Variants in CASD1 observed in about 807,000 individuals in gnomAD.
CASD1 encodes CAS1 domain sialic acid O acetyltransferase 1.
CASD1 carries 41 observed loss-of-function variants against 100.0 expected under a neutral mutation model. The ratio of observed to expected loss-of-function variants is 0.41; its 90% confidence interval spans 0.32 to 0.53. The LOEUF (loss-of-function observed/expected upper bound fraction) is 0.53. CASD1 is among the 20% of genes least tolerant of loss of function. CASD1 has a pLI of 0.25. For missense variants in CASD1, 774 were observed against 948.7 expected (o/e 0.82, Z 2.42); for synonymous variants, 321 against 315.6 (o/e 1.02, Z -0.18).
chr7:94,566,325 A>T, the CASD1 span, among the ~76,000 whole-genome samples: 1 of 152,198 alleles, frequency 6.6e-6, no homozygotes, highest in Non-Finnish European at 1.5e-5. Flanking sequence ...ATATAATTTA[A>T]TTTTTATCTA....
chr7:94,549,295 C>T (rs1170960000), intron 13 of CASD1, among the ~76,000 whole-genome samples: 1 of 151,680 alleles, frequency 6.6e-6, no homozygotes, highest in African/African-American at 2.4e-5. Flanking sequence ...ATAAGTTTAC[C>T]AAGTTTTAAG....
the CASD1 span, chr7:94,628,280 G>T: frequency 6.2e-7 from 1 of 1,611,056 alleles, no homozygotes. Context: ...GTGTCCTTTG[G>T]ATATATCGAA....
intron 14 of CASD1, among the ~76,000 whole-genome samples, chr7:94,550,366 T>C (rs953584946): frequency 1.3e-5 from 2 of 152,140 alleles, no homozygotes; most frequent in African/African-American, 4.8e-5. Flanking sequence ...GTGTACTACA[T>C]TGCATTTCAA....
the CASD1 span, among the ~76,000 whole-genome samples, chr7:94,605,768 A>C: frequency 6.6e-6 from 1 of 152,180 alleles, no homozygotes; most frequent in Non-Finnish European, 1.5e-5. Flanking sequence ...ACAAAAATAG[A>C]AACAAAAAAC....
the CASD1 span, among the ~76,000 whole-genome samples, chr7:94,614,458 C>T: frequency 1.3e-5 from 2 of 152,186 alleles, no homozygotes; most frequent in African/African-American, 2.4e-5. Flanking sequence ...CAGAAGACAA[C>T]GTCTTACATG....
At position 94,533,263 on chromosome 7, in the gene CASD1, T is replaced by G; in HGVS notation, c.504+14T>G. The G allele has an allele frequency of 1.2e-6, 2 of 1,600,962 alleles. No homozygotes were observed. Among genetic ancestry groups the G allele is most frequent in the South Asian group, 1.1e-5 (1 of 89,630 alleles). ...GGAGCTGCCACAGTAAGTTATCATC[T>G]GTATTCTTACTTAATGATTTTGTTT... On this transcript the variant is annotated intron_variant, in intron 6 of 17. Coordinates refer to ENST00000297273, the MANE Select transcript of CASD1 (RefSeq NM_022900.5).
chr7:94,513,315 T>C, intron 1 of CASD1, among the ~76,000 whole-genome samples: 1 of 151,860 alleles, frequency 6.6e-6, no homozygotes, highest in Admixed American at 6.6e-5. Context: ...AAATCAACTT[T>C]ATTGTACCAG....
chr7:94,587,507 G>A, the CASD1 span: 2 of 1,296,522 alleles, frequency 1.5e-6, no homozygotes, highest in Admixed American at 4.2e-5. Flanking sequence ...TATTCTTTTA[G>A]AAATTTTCCT....
intron 8 of CASD1, 63 bp from the exon 9 acceptor site, chr7:94,537,409 G>GA (rs778126988): frequency 1.2e-4 from 178 of 1,456,182 alleles, no homozygotes; most frequent in Non-Finnish European, 1.5e-4. Flanking sequence ...ATTCACAGGA[G>GA]AAAATTTAAT....
the CASD1 span, among the ~76,000 whole-genome samples, chr7:94,579,307 T>C: frequency 1.3e-5 from 2 of 151,922 alleles, no homozygotes; most frequent in African/African-American, 4.8e-5. Flanking sequence ...TTTAATTTGC[T>C]TTAGGCACAT....
chr7:94,583,260 C>T, the CASD1 span, among the ~76,000 whole-genome samples: 2 of 152,114 alleles, frequency 1.3e-5, no homozygotes, highest in African/African-American at 4.8e-5. Flanking sequence ...ATACTTTGAC[C>T]TAAATAAATG....
chr7:94,633,737 A>C, the CASD1 span, among the ~76,000 whole-genome samples: 3 of 152,208 alleles, frequency 2.0e-5, no homozygotes, highest in African/African-American at 7.2e-5. Context: ...TGTGCTTATT[A>C]CAATTACCTT....
At chr7:94,608,715 A>G in the CASD1 span, among the ~76,000 whole-genome samples, 2 of 152,234 alleles carry the variant, frequency 1.3e-5, no homozygotes, top group Non-Finnish European at 2.9e-5. Flanking sequence ...GTATTGGGAA[A>G]TAATTGACAA....
chr7:94,554,522 G>A lies in CASD1; in HGVS notation c.2074G>A (p.Ala692Thr), dbSNP rs146048116. ...FILIRNIPGY[A>T]RSVYSSFFAW... ...CCTAATAAGAAACATCCCTGGATATGCCCGTTCAGTTTACAGTTCATTTTT... is the reference window on the plus strand; with the variant it reads ...CCTAATAAGAAACATCCCTGGATATACCCGTTCAGTTTACAGTTCATTTTT... Residue 692 changes from alanine (A) to threonine (T), a missense_variant, in exon 17 of 18, where the codon GCC becomes ACC. Around this residue, in one of 5 missense-constraint regions of CASD1, gnomAD observed 175 missense variants for 206.9 expected, o/e 0.85. Coordinates refer to ENST00000297273, the MANE Select transcript of CASD1 (RefSeq NM_022900.5). The A allele has an allele frequency of 5.1e-4, 819 of 1,612,024 alleles. 1 individual carries two copies. Among genetic ancestry groups the A allele is most frequent in the Non-Finnish European group, 6.6e-4 (782 of 1,178,834 alleles).
chr7:94,630,886 A>AAGATC, the CASD1 span, among the ~76,000 whole-genome samples: 9 of 151,974 alleles, frequency 5.9e-5, no homozygotes, highest in African/African-American at 2.2e-4. Flanking sequence ...CTTGGATAGC[A>AAGATC]AGATCACTGA....
chr7:94,510,199 G>T lies in CASD1; in HGVS notation c.115G>T (p.Ala39Ser), dbSNP rs1182770729. 6 of 1,473,000 alleles carry T rather than the reference G, an allele frequency of 4.1e-6. No individual in the cohort carries two copies. The highest frequency in any genetic ancestry group is 2.7e-6 in the Non-Finnish European group (3 of 1,112,556). 91.2% of individuals were successfully genotyped at this position (1,473,000 alleles called of 1,614,324 possible). The change falls in exon 1 of 18, where the codon GCC becomes TCC. Residue 39 changes from alanine (A) to serine (S), a missense_variant. Coordinates refer to ENST00000297273, the MANE Select transcript of CASD1 (RefSeq NM_022900.5). ...AVLLLAACHL[A>S]SRRYRGNDSC... ...GCTGCTGCTCGCAGCGTGCCACCTC[G>T]CCTCCCGCCGCTACCGAGGTGAGCG...
the CASD1 span, among the ~76,000 whole-genome samples, chr7:94,630,049 T>A: frequency 3.3e-5 from 5 of 152,000 alleles, no homozygotes; most frequent in African/African-American, 1.2e-4. Context: ...TTTTGATTTG[T>A]GTTTACAGCC....
chr7:94,510,210 C>G lies in CASD1; in HGVS notation c.126C>G (p.Arg42=). The part of the protein sequence containing the change: ...LLAACHLASR[R]YRGNDSCEYL... ...CAGCGTGCCACCTCGCCTCCCGCCGCTACCGAGGTGAGCGGGCCCTCCCCT... is the reference window on the plus strand; with the variant it reads ...CAGCGTGCCACCTCGCCTCCCGCCGGTACCGAGGTGAGCGGGCCCTCCCCT... Residue 42 remains arginine, a synonymous_variant, in exon 1 of 18, where the codon CGC becomes CGG. Coordinates refer to ENST00000297273, the MANE Select transcript of CASD1 (RefSeq NM_022900.5). The G allele has an allele frequency of 6.6e-7, 1 of 1,505,576 alleles. No individual in the cohort carries two copies. Among genetic ancestry groups the G allele is most frequent in the Non-Finnish European group, 8.9e-7 (1 of 1,124,106 alleles). The allele number at this position is 1,505,576 out of a possible 1,614,324, so 93.3% of individuals were successfully genotyped here. A position where few individuals can be genotyped will look rare whatever the true frequency, so the allele number is the denominator to read the frequency against.
At chr7:94,624,975 C>G in the CASD1 span, 3 of 150,802 alleles carry the variant, frequency 2.0e-5, no homozygotes, top group Non-Finnish European at 4.4e-5. Context: ...TTAATTTTAA[C>G]AGCTATAACA....
Sources: gnomAD v4.1 joint callset for allele counts (sites outside exome capture counted in the v4.1 genomes callset) on GRCh38, gnomAD v4.1.1 for gene constraint, gnomAD v4.1.1 regional missense constraint, MANE v1.5 for transcripts, NCBI Gene and HGNC (gene_info 2026-07-23, HGNC 2026-07-21) for gene names.